Variants in FAM131B observed in about 807,000 individuals in gnomAD.
FAM131B encodes the protein protein FAM131B.
FAM131B carries 19 observed loss-of-function variants against 42.0 expected under a neutral mutation model. The observed-to-expected ratio is 0.45, with a 90% CI of 0.32 to 0.66. The LOEUF (loss-of-function observed/expected upper bound fraction) is 0.66. Ranked by LOEUF, FAM131B falls within the 30% of genes least tolerant of loss-of-function variation. The pLI is 0.05. For synonymous variants in FAM131B, 183 were observed against 177.6 expected, an observed-to-expected ratio of 1.03 and a Z score of -0.24; for missense variants, 370 against 468.4, an observed-to-expected ratio of 0.79 and a Z score of 1.94.
chr7:143,381,246 T>C, the FAM131B span: 1 of 1,023,772 alleles, frequency 9.8e-7, no homozygotes, highest in Non-Finnish European at 1.2e-6. Flanking sequence ...GCTCCTTGTA[T>C]GGTCTGGGCG....
At chr7:143,372,908 C>T in the FAM131B span, among the ~76,000 whole-genome samples, 33 of 150,854 alleles carry the variant, frequency 2.2e-4, no homozygotes, top group African/African-American at 6.6e-4. Flanking sequence ...GCAGTTGAGC[C>T]GACATTGTGC....
Position 143,362,007 on chromosome 7 carries a change from A to G in FAM131B, c.28+569T>C. On this transcript the variant is annotated intron_variant, in intron 1 of 6. Transcript: ENST00000443739. The surrounding 1 kb of genome is among the most constrained non-coding windows in gnomAD (Gnocchi z 7.7). ...CTCATCCCGCCCCCGCCCCAGAGGG[A>G]AAACGCACGTGAACAAAGCGAATCG... The G allele has an allele frequency of 6.1e-6, 5 of 813,954 alleles. No individual in the cohort carries two copies. The highest frequency in any genetic ancestry group is 5.9e-6 in the Non-Finnish European group (4 of 673,568). 50.4% of individuals were successfully genotyped at this position (813,954 alleles called of 1,614,324 possible). A position where few individuals can be genotyped will look rare whatever the true frequency, so the allele number is the denominator to read the frequency against.
At chr7:143,381,447 G>C in the FAM131B span, 1,888 of 1,292,028 alleles carry the variant, frequency 1.5e-3, 4 homozygotes, top group Admixed American at 1.7e-3. Flanking sequence ...CCCACGGGGA[G>C]GGGGCGCGGG....
At chr7:143,380,564 C>A in the FAM131B span, 3 of 985,528 alleles carry the variant, frequency 3.0e-6, no homozygotes, top group African/African-American at 1.7e-5. This position sits in a 1 kb window ranked among gnomAD's most constrained non-coding sequence, Gnocchi z 5.0. Flanking sequence ...CGCCCTCCCA[C>A]CTCCATTCCC....
rs1028898306 is a variant in FAM131B, at chr7:143,362,712, C to G, written c.-109G>C. On this transcript the variant is annotated 5_prime_UTR_variant, in exon 1 of 7. Transcript: ENST00000443739. This position sits in a 1 kb window ranked among gnomAD's most constrained non-coding sequence, Gnocchi z 7.7. ...CCGCTCTGCAGCGCCGCGGCTGTCT[C>G]CGCTCGGCTCCGCTCCCCCCTCCCC... is the stretch of plus-strand genomic sequence containing the variant. 39 of 403,780 alleles carry G rather than the reference C, an allele frequency of 9.7e-5. No homozygotes were observed. In the East Asian group the frequency reaches 1.5e-3, roughly 15 times the overall value. 25.0% of individuals were successfully genotyped at this position (403,780 alleles called of 1,614,324 possible).
chr7:143,378,313 C>T, the FAM131B span, among the ~76,000 whole-genome samples: 1 of 152,142 alleles, frequency 6.6e-6, no homozygotes, highest in Non-Finnish European at 1.5e-5. Flanking sequence ...TTATGCTGTG[C>T]ACTCTTGAAG....
rs374592370 is a variant in FAM131B, at chr7:143,358,600, G to C, written c.466+227C>G. Among the ~76,000 whole-genome samples, 208 of 152,282 alleles carry C rather than the reference G, an allele frequency of 1.4e-3. 2 individuals are homozygous for C. The South Asian group carries it at 0.016, about 12-fold the overall frequency. On this transcript the variant is annotated intron_variant, in intron 5 of 6. Transcript: ENST00000443739. This position sits in a 1 kb window ranked among gnomAD's most constrained non-coding sequence, Gnocchi z 4.7. ...AGGAGAGAAGGCATCTGGGATGGGT[G>C]GACCCACAAATCCCATCTAATTACA...
upstream of FAM131B, among the ~76,000 whole-genome samples, chr7:143,367,108 C>T (rs1480043022): frequency 6.6e-6 from 1 of 152,174 alleles, no homozygotes; most frequent in Non-Finnish European, 1.5e-5. Flanking sequence ...ACCTGCCATC[C>T]CCAGCTGGTT....
At position 143,354,558 on chromosome 7, in the gene FAM131B, CGGGT is replaced by C. The variant is rs1390673282; in HGVS notation, c.*1988_*1991del. 6.6e-6 allele frequency: 1 copy of C among 152,098 alleles called. No homozygotes were observed. The highest frequency in any genetic ancestry group is 2.4e-5 in the African/African-American group (1 of 41,396). The allele number at this position is 152,098 out of a possible 1,614,324, so 9.4% of individuals were successfully genotyped here. On this transcript the variant is annotated 3_prime_UTR_variant, in exon 7 of 7. Transcript: ENST00000443739. ...AAACCCCAGAGCCTGCAGCAGGAGA[CGGGT>C]GGGGAATAGCTGCCAGGGCGGGCAT... is the stretch of plus-strand genomic sequence containing the variant.
Position 143,358,907 on chromosome 7 carries a change from T to A in FAM131B, c.386A>T (p.His129Leu), listed in dbSNP as rs778202184. ...ATCCCTGCGCACGGACTCATGGCTG[T>A]GTTGTGGCTGAACAGCTGGTGTCTT... ...WGKTPAVQPQ[H>L]SHESVRRDTD... The change falls in exon 5 of 7, where the codon CAC becomes CTC. Residue 129 changes from histidine to leucine, a missense_variant. Transcript: ENST00000443739. This position sits in a 1 kb window ranked among gnomAD's most constrained non-coding sequence, Gnocchi z 4.7. The A allele has an allele frequency of 1.2e-6, 2 of 1,614,152 alleles. No individual in the cohort carries two copies. The highest frequency in any genetic ancestry group is 2.2e-5 in the South Asian group (2 of 91,086).
In FAM131B at chr7:143,354,997, G is replaced by T; in HGVS notation, c.*1553C>A. 6.6e-6 allele frequency: 1 copy of T among 152,578 alleles called. No homozygotes were observed. The highest frequency in any genetic ancestry group is 1.5e-5 in the Non-Finnish European group (1 of 68,250). 9.5% of individuals were successfully genotyped at this position (152,578 alleles called of 1,614,324 possible). On this transcript the variant is annotated 3_prime_UTR_variant, in exon 7 of 7. Coordinates refer to ENST00000443739, the MANE Select transcript of FAM131B (RefSeq NM_001031690.3). ...TGCTCCCTTCCAGCAGAGGATGCAA[G>T]TGGTAGGACTCCTGACAGAGTGTGG...
In FAM131B at chr7:143,355,061, G is replaced by A. The variant is rs181283944; in HGVS notation, c.*1489C>T. 1.0e-4 allele frequency: 16 copies of A among 152,556 alleles called. No homozygotes were observed. In the East Asian group the frequency reaches 1.2e-3, roughly 11 times the overall value. 9.5% of individuals were successfully genotyped at this position (152,556 alleles called of 1,614,324 possible). On this transcript the variant is annotated 3_prime_UTR_variant, in exon 7 of 7. Coordinates refer to ENST00000443739, the MANE Select transcript of FAM131B (RefSeq NM_001031690.3). The surrounding 1 kb of genome is among the most constrained non-coding windows in gnomAD (Gnocchi z 4.1). ...CTGGGAGCCGGAGCCTTGGAAGGGC[G>A]TGAGGAAAGAAGGAGATAGGGCAGT...
At chr7:143,357,199 G>C in intron 6 of FAM131B, 81 bp downstream of exon 6, 1 of 1,448,802 alleles carries the variant, frequency 6.9e-7, no homozygotes, top group African/African-American at 1.4e-5. Context: ...AGTCTTAAAA[G>C]AACGGAGCTG....
Position 143,362,153 on chromosome 7 carries a change from G to T in FAM131B, c.28+423C>A, listed in dbSNP as rs1014410667. On this transcript the variant is annotated intron_variant, in intron 1 of 6. Transcript: ENST00000443739. The surrounding 1 kb of genome is among the most constrained non-coding windows in gnomAD (Gnocchi z 7.7). ...GGGGGGCGTGCGAAAGAAACTCGGG[G>T]CTGGCGCGGAGGCCGAGGGTCCTTC... is the stretch of plus-strand genomic sequence containing the variant. 2.2e-6 allele frequency: 1 copy of T among 449,908 alleles called. No homozygotes were observed. The highest frequency in any genetic ancestry group is 3.0e-6 in the Non-Finnish European group (1 of 338,364). The allele number at this position is 449,908 out of a possible 1,614,324, so 27.9% of individuals were successfully genotyped here.
At chr7:143,372,709 A>G in the FAM131B span, among the ~76,000 whole-genome samples, 1 of 152,232 alleles carries the variant, frequency 6.6e-6, no homozygotes, top group African/African-American at 2.4e-5. Context: ...CTGTAATCCC[A>G]GCACTTTGGG....
upstream of FAM131B, among the ~76,000 whole-genome samples, chr7:143,367,169 C>G (rs1158116559): frequency 1.3e-5 from 2 of 152,156 alleles, no homozygotes; most frequent in Non-Finnish European, 2.9e-5. Flanking sequence ...TGGGGCACAG[C>G]AAGTTTGCTG....
the FAM131B span, chr7:143,382,138 C>G: frequency 1.0e-6 from 1 of 953,912 alleles, no homozygotes; most frequent in African/African-American, 1.7e-5. Flanking sequence ...CCCACACGCT[C>G]TGGGACCCCT....
chr7:143,376,643 C>T, the FAM131B span, among the ~76,000 whole-genome samples: 2 of 152,164 alleles, frequency 1.3e-5, no homozygotes, highest in Non-Finnish European at 2.9e-5. Flanking sequence ...CATCCTGATG[C>T]GCGCCCAACC....
chr7:143,381,396 C>T, the FAM131B span: 14 of 1,193,132 alleles, frequency 1.2e-5, no homozygotes, highest in South Asian at 4.0e-5. Context: ...GCGGCGCGCA[C>T]GCTCCGGCCT....
Sources: gnomAD v4.1 joint callset for allele counts (sites outside exome capture counted in the v4.1 genomes callset) on GRCh38, gnomAD v4.1.1 for gene constraint, Gnocchi (gnomAD v3.1) non-coding constraint, MANE v1.5 for transcripts, NCBI Gene and HGNC (gene_info 2026-07-23, HGNC 2026-07-21) for gene names.